Variants in ANO1 observed in about 807,000 individuals in gnomAD.
ANO1 encodes anoctamin-1.
Under a neutral mutation model 124.0 loss-of-function variants are expected in ANO1, and 59 were observed. The ratio of observed to expected loss-of-function variants is 0.48; its 90% CI spans 0.39 to 0.59. ANO1 has a LOEUF of 0.59. Among genes scored for constraint, ANO1 ranks in the 20% least tolerant of loss-of-function variants. The pLI, the probability that ANO1 is intolerant of heterozygous loss-of-function variation, is 0.00. For synonymous variants in ANO1, 529 were observed against 532.0 expected (o/e 0.99, Z 0.08); for missense variants, 1,059 against 1,328.0 (o/e 0.80, Z 3.15).
At chr11:70,111,841 T>C in intron 7 of ANO1, 79 bp downstream of exon 7, 1 of 1,407,834 alleles carries the variant, frequency 7.1e-7, no homozygotes, top group Non-Finnish European at 1.0e-6. Context: ...CCCCGGGAGC[T>C]GCAATTATCC....
At chr11:70,153,026 G>C in intron 13 of ANO1, 31 bp from the exon 14 acceptor site, 2 of 1,578,582 alleles carry the variant, frequency 1.3e-6, no homozygotes, top group Non-Finnish European at 8.6e-7. Context: ...AAATTAACAA[G>C]GACTCTGTCT....
chr11:69,992,712 G>T (rs1438607560), intron 1 of ANO1, among the ~76,000 whole-genome samples: 1 of 152,186 alleles, frequency 6.6e-6, no homozygotes, highest in Admixed American at 6.5e-5. Flanking sequence ...TGCTGCAGGA[G>T]CCACACTGGA....
Position 70,082,028 on chromosome 11 carries a change from C to T in ANO1, c.108+3314C>T, listed in dbSNP as rs941505959. Among the ~76,000 whole-genome samples, 15 of 152,310 alleles carry T rather than the reference C, an allele frequency of 9.8e-5. No homozygotes were observed. In the South Asian group the frequency reaches 3.1e-3, roughly 32 times the overall value. On this transcript the variant is annotated intron_variant, in intron 1 of 25. Coordinates refer to ENST00000355303, the MANE Select transcript of ANO1 (RefSeq NM_018043.7). Reference sequence around the variant, plus strand: ...ATCACATTTTATCCCCACAAGAATCCTGTGACCTAAGTCCAGATGTCTTTG... The same window carrying T: ...ATCACATTTTATCCCCACAAGAATCTTGTGACCTAAGTCCAGATGTCTTTG...
intron 24 of ANO1, among the ~76,000 whole-genome samples, chr11:70,185,071 G>C (rs937173376): frequency 6.6e-6 from 1 of 152,172 alleles, no homozygotes; most frequent in African/African-American, 2.4e-5. Flanking sequence ...CCCTCAAAGA[G>C]GGGATGGACT....
In ANO1 at chr11:70,161,243, C is replaced by G. The variant is rs372809100; in HGVS notation, c.1661C>G (p.Pro554Arg). 12 of 1,613,832 alleles carry G rather than the reference C, an allele frequency of 7.4e-6. No homozygotes were observed. The highest frequency in any genetic ancestry group is 1.7e-5 in the Admixed American group (1 of 60,008). The change falls in exon 17 of 26, where the codon CCC (proline) becomes CGC (arginine). Residue 554 changes from proline to arginine, a missense_variant. This residue lies in a region of ANO1 where 809 missense variants were observed against 1,094.9 expected (regional missense o/e 0.74). Transcript: ENST00000355303. ...MAAALAMNSS[P>R]SVRSNIRVTV... ...GCCGCCTTGGCCATGAACTCCTCCCCCTCCGTGCGGTCCAACATCCGGGTC... is the reference window on the plus strand; with the variant it reads ...GCCGCCTTGGCCATGAACTCCTCCCGCTCCGTGCGGTCCAACATCCGGGTC...
At chr11:70,144,614 C>T (rs1400671497) in intron 11 of ANO1, among the ~76,000 whole-genome samples, 1 of 152,370 alleles carries the variant, frequency 6.6e-6, no homozygotes, top group Middle Eastern at 3.4e-3. Context: ...CATAGCCCAA[C>T]TATCCGCTCC....
intron 24 of ANO1, among the ~76,000 whole-genome samples, chr11:70,183,107 T>C (rs1169912953): frequency 6.6e-6 from 1 of 152,178 alleles, no homozygotes; most frequent in African/African-American, 2.4e-5. Flanking sequence ...AGACCCTATC[T>C]ATAAAGAAAT....
intron 1 of ANO1, among the ~76,000 whole-genome samples, chr11:70,022,670 T>G (rs895630710): frequency 2.0e-5 from 3 of 151,786 alleles, no homozygotes; most frequent in Non-Finnish European, 4.4e-5. Flanking sequence ...TCACCTAGCT[T>G]GCTTTCCCCC....
At chr11:70,097,770 G>A (rs541566062) in intron 2 of ANO1, among the ~76,000 whole-genome samples, 1 of 152,192 alleles carries the variant, frequency 6.6e-6, no homozygotes, top group Non-Finnish European at 1.5e-5. Context: ...TTATAAAGTC[G>A]GGTGCCTTCC....
intron 1 of ANO1, among the ~76,000 whole-genome samples, chr11:69,987,714 C>T (rs10793058): frequency 0.45 from 68,669 of 151,724 alleles, 17,057 homozygotes; most frequent in East Asian, 0.75. Context: ...GCAGAATCAC[C>T]CAGCAATGCT....
chr11:70,093,278 C>G (rs2044709625), intron 2 of ANO1, among the ~76,000 whole-genome samples: 1 of 150,240 alleles, frequency 6.7e-6, no homozygotes, highest in Non-Finnish European at 1.5e-5. Context: ...CTCCCCCTCT[C>G]TCTCTCCTTC....
In ANO1 at chr11:70,103,143, A is replaced by G. The variant is rs1312837737; in HGVS notation, c.519A>G (p.Lys173=). The change falls in exon 3 of 26, where the codon AAA becomes AAG. Residue 173 remains lysine (K), a synonymous_variant. Transcript: ENST00000355303. ...NVLCREAEFL[K]LKMPTKKMYH... ...TGTGCAGAGAGGCCGAGTTTCTGAA[A>G]CTGAAGATGCCGACGAAGAAGGTTG... is the stretch of plus-strand genomic sequence containing the variant. 6.2e-7 allele frequency: 1 copy of G among 1,612,212 alleles called. No individual in the cohort carries two copies. The highest frequency in any genetic ancestry group is 2.2e-5 in the East Asian group (1 of 44,856).
Position 70,078,690 on chromosome 11 carries a change from C to G in ANO1, c.84C>G (p.Ile28Met). ...TCAACATCTGCGCCATCGAGGACATCGGCTACCTGCCGTCCGAGGGCACGG... is the reference window on the plus strand; with the variant it reads ...TCAACATCTGCGCCATCGAGGACATGGGCTACCTGCCGTCCGAGGGCACGG... Reference protein sequence around the residue: ...HIINICAIEDIGYLPSEGTLL... With the variant: ...HIINICAIEDMGYLPSEGTLL... Residue 28 changes from isoleucine to methionine, a missense_variant, in exon 1 of 26, where the codon ATC becomes ATG. This residue lies in a region of ANO1 where 250 missense variants were observed against 233.1 expected (regional missense o/e 1.07). Coordinates refer to ENST00000355303, the MANE Select transcript of ANO1 (RefSeq NM_018043.7). 1 of 1,486,840 alleles carries G rather than the reference C, an allele frequency of 6.7e-7. No individual in the cohort carries two copies. The highest frequency in any genetic ancestry group is 3.0e-5 in the East Asian group (1 of 32,966). The allele number at this position is 1,486,840 out of a possible 1,614,324, so 92.1% of individuals were successfully genotyped here. A position where few individuals can be genotyped will look rare whatever the true frequency, so the allele number is the denominator to read the frequency against.
chr11:70,062,793 C>A (rs1857620624), intron 1 of ANO1, among the ~76,000 whole-genome samples: 1 of 152,236 alleles, frequency 6.6e-6, no homozygotes, highest in South Asian at 2.1e-4. Flanking sequence ...TATTTGAAAG[C>A]TCCTTGGGTG....
chr11:70,171,220 C>T (rs1037071145), intron 22 of ANO1, among the ~76,000 whole-genome samples, 181 bp downstream of exon 22: 4 of 152,180 alleles, frequency 2.6e-5, no homozygotes, highest in African/African-American at 9.6e-5. Context: ...GCTCGCTTAG[C>T]CCTGTCCCCA....
chr11:70,180,898 G>A (rs1167844730), intron 23 of ANO1, among the ~76,000 whole-genome samples: 2 of 152,180 alleles, frequency 1.3e-5, no homozygotes, highest in African/African-American at 4.8e-5. Context: ...CTCTGCTAAG[G>A]ATCAGGGCTC....
rs759230348 is a variant in ANO1, at chr11:70,078,703, T to G, written c.97T>G (p.Ser33Ala). 1 of 1,483,942 alleles carries G rather than the reference T, an allele frequency of 6.7e-7. No homozygotes were observed. 91.9% of individuals were successfully genotyped at this position (1,483,942 alleles called of 1,614,324 possible). A position where few individuals can be genotyped will look rare whatever the true frequency, so the allele number is the denominator to read the frequency against. Residue 33 changes from serine (S) to alanine (A), a missense_variant, in exon 1 of 26, where the codon TCC becomes GCC. By Grantham distance (99) the Ser-to-Ala change is moderately conservative. Coordinates refer to ENST00000355303, the MANE Select transcript of ANO1 (RefSeq NM_018043.7). ...CATCGAGGACATCGGCTACCTGCCG[T>G]CCGAGGGCACGGTGAGTGCGGGCGG... is the stretch of plus-strand genomic sequence containing the variant. Reference protein sequence around the residue: ...CAIEDIGYLPSEGTLLNSLSV... With the variant: ...CAIEDIGYLPAEGTLLNSLSV...
intron 5 of ANO1, among the ~76,000 whole-genome samples, chr11:70,106,204 G>T (rs1029010674): frequency 5.3e-5 from 8 of 152,136 alleles, no homozygotes; most frequent in African/African-American, 1.9e-4. Context: ...AAAGGCGCGT[G>T]GGTTGAGATC....
At chr11:70,032,151 C>T (rs1591046574) in intron 1 of ANO1, among the ~76,000 whole-genome samples, 1 of 152,106 alleles carries the variant, frequency 6.6e-6, no homozygotes, top group South Asian at 2.1e-4. Flanking sequence ...CAACTGTGGT[C>T]TGTGCTGTGA....
Sources: gnomAD v4.1 joint callset for allele counts (sites outside exome capture counted in the v4.1 genomes callset) on GRCh38, gnomAD v4.1.1 for gene constraint, gnomAD v4.1.1 regional missense constraint, MANE v1.5 for transcripts, NCBI Gene and HGNC (gene_info 2026-07-23, HGNC 2026-07-21) for gene names.